RTTN: variants seen among roughly 807,000 people sequenced by gnomAD.
The protein encoded by RTTN is rotatin.
A neutral mutation model predicts 269.2 loss-of-function variants in RTTN; 182 were observed. That is an observed-to-expected ratio of 0.68 (90% CI 0.60 to 0.76). The LOEUF is 0.76. RTTN is among the 30% of genes least tolerant of loss of function. The pLI is 0.00. For synonymous variants in RTTN, 1,006 were observed against 963.5 expected, an observed-to-expected ratio of 1.04 and a Z score of -0.82; for missense variants, 2,545 against 2,608.6, an observed-to-expected ratio of 0.98 and a Z score of 0.53.
intron 23 of RTTN, chr18:70,130,604 A>G (rs2059974163): frequency 6.6e-6 from 1 of 151,848 alleles, no homozygotes; most frequent in African/African-American, 2.4e-5. Flanking sequence ...ATGGAGATAA[A>G]GAGTAGAATG....
chr18:70,139,574 T>C (rs746551518), intron 21 of RTTN, 25 bp downstream of exon 21: 5 of 1,337,830 alleles, frequency 3.7e-6, no homozygotes, highest in Admixed American at 1.8e-5. Context: ...ACAATCTAAT[T>C]ATTAGCAGAT....
At chr18:70,023,317 A>G (rs2056760300) in intron 44 of RTTN, among the ~76,000 whole-genome samples, 1 of 152,202 alleles carries the variant, frequency 6.6e-6, no homozygotes, top group Non-Finnish European at 1.5e-5. Context: ...GCTAAATTTT[A>G]GAGTAATTTC....
At chr18:70,182,511 G>A (rs1476194032) in intron 10 of RTTN, among the ~76,000 whole-genome samples, 2 of 152,044 alleles carry the variant, frequency 1.3e-5, no homozygotes, top group African/African-American at 4.8e-5. Context: ...AAGGGAGAGG[G>A]GAAGGAAGAA....
In RTTN at chr18:70,121,748, C is replaced by T; in HGVS notation, c.3384-48G>A. Reference sequence around the variant, plus strand: ...ATGGTTTCTGGCGCTTTAAAATACACAATACCACTGTTCATCATAGATATG... The same window carrying T: ...ATGGTTTCTGGCGCTTTAAAATACATAATACCACTGTTCATCATAGATATG... On this transcript the variant is annotated intron_variant, in intron 25 of 48. Transcript: ENST00000640769. 1.4e-6 allele frequency: 2 copies of T among 1,464,694 alleles called. 1 individual carries two copies. The highest frequency in any genetic ancestry group is 2.7e-5 in the South Asian group (2 of 74,600). The allele number at this position is 1,464,694 out of a possible 1,614,324, so 90.7% of individuals were successfully genotyped here.
chr18:70,038,801 C>T (rs1362141654), intron 40 of RTTN, among the ~76,000 whole-genome samples: 1 of 152,066 alleles, frequency 6.6e-6, no homozygotes, highest in Non-Finnish European at 1.5e-5. Flanking sequence ...TTCAAAATTG[C>T]TGTGGTAGGG....
intron 12 of RTTN, 73 bp downstream of exon 12, chr18:70,168,782 A>G (rs2061058539): frequency 1.7e-6 from 2 of 1,149,810 alleles, no homozygotes; most frequent in Admixed American, 2.3e-5. Context: ...ATGTCCATCA[A>G]TTTGAAAAGT....
chr18:70,142,669 T>C (rs569236988), intron 18 of RTTN, among the ~76,000 whole-genome samples: 1 of 152,272 alleles, frequency 6.6e-6, no homozygotes, highest in South Asian at 2.1e-4. Context: ...CACCAGTATC[T>C]GCTATTTTTT....
intron 40 of RTTN, among the ~76,000 whole-genome samples, chr18:70,032,187 C>T (rs1231280630): frequency 1.3e-5 from 2 of 152,322 alleles, no homozygotes; most frequent in East Asian, 3.9e-4. Flanking sequence ...GACCTCAACT[C>T]TGCAGGGTGG....
chr18:70,178,053 A>C (rs577966169), intron 10 of RTTN, among the ~76,000 whole-genome samples: 28 of 152,320 alleles, frequency 1.8e-4, no homozygotes, highest in African/African-American at 6.7e-4. Flanking sequence ...CTGACCAATA[A>C]ATGCAGAAAC....
At chr18:70,072,011 A>T (rs1208598861) in intron 34 of RTTN, among the ~76,000 whole-genome samples, 2 of 152,202 alleles carry the variant, frequency 1.3e-5, no homozygotes, top group Admixed American at 1.3e-4. Flanking sequence ...TTTTTTATAC[A>T]TAAGAAAGTA....
At chr18:70,040,515 T>C (rs1292100841) in intron 40 of RTTN, among the ~76,000 whole-genome samples, 1 of 152,202 alleles carries the variant, frequency 6.6e-6, no homozygotes, top group African/African-American at 2.4e-5. Context: ...CTCAAGACGA[T>C]AATGGCTGGA....
intron 6 of RTTN, 37 bp from the exon 7 acceptor site, chr18:70,196,685 A>G (rs1270923799): frequency 1.3e-6 from 2 of 1,594,312 alleles, no homozygotes; most frequent in African/African-American, 1.4e-5. Context: ...TACTAAGGGA[A>G]CAAAGAGCTC....
chr18:70,177,337 A>C (rs1034933276), intron 10 of RTTN, among the ~76,000 whole-genome samples: 1 of 152,244 alleles, frequency 6.6e-6, no homozygotes, highest in South Asian at 2.1e-4. Context: ...TGCATCAAGG[A>C]AAGTCAAATA....
At chr18:70,056,920 G>A (rs974380148) in intron 37 of RTTN, among the ~76,000 whole-genome samples, 3 of 152,180 alleles carry the variant, frequency 2.0e-5, no homozygotes, top group Non-Finnish European at 4.4e-5. Flanking sequence ...TATTCACTTG[G>A]AGAAGATTCA....
intron 46 of RTTN, 47 bp from the exon 47 acceptor site, chr18:70,006,531 A>C (rs767977415): frequency 8.0e-5 from 110 of 1,382,692 alleles, no homozygotes; most frequent in Non-Finnish European, 1.1e-4. Flanking sequence ...CAGACACTGC[A>C]TTGTATTCTT....
chr18:70,139,302 A>G (rs376494583), intron 21 of RTTN, among the ~76,000 whole-genome samples: 1 of 152,296 alleles, frequency 6.6e-6, no homozygotes, highest in East Asian at 1.9e-4. Flanking sequence ...AGCAGCTGCA[A>G]CTTTCTCTCT....
At chr18:70,005,130 TC>T in intron 48 of RTTN, 67 bp downstream of exon 48, 1 of 1,178,866 alleles carries the variant, frequency 8.5e-7, no homozygotes, top group Non-Finnish European at 1.2e-6. Flanking sequence ...TCCAAATATC[TC>T]ATTAATCAGA....
chr18:70,161,502 T>C (rs2060829939), intron 14 of RTTN, among the ~76,000 whole-genome samples: 2 of 152,034 alleles, frequency 1.3e-5, no homozygotes, highest in Non-Finnish European at 2.9e-5. Context: ...CTAATGAAAC[T>C]AAAAAGTTTC....
chr18:70,098,419 T>C (rs1385261838), intron 28 of RTTN, among the ~76,000 whole-genome samples: 2 of 151,764 alleles, frequency 1.3e-5, no homozygotes, highest in African/African-American at 4.8e-5. Flanking sequence ...GATCCAGGAG[T>C]TGTTTTTTTG....
Sources: gnomAD v4.1 joint callset for allele counts (sites outside exome capture counted in the v4.1 genomes callset) on GRCh38, gnomAD v4.1.1 for gene constraint, MANE v1.5 for transcripts, NCBI Gene and HGNC (gene_info 2026-07-23, HGNC 2026-07-21) for gene names.